The following PRELID2 variants were observed in gnomAD, a reference collection of about 807,000 sequenced individuals.
PRELID2 encodes the protein PRELI domain containing 2.
In PRELID2, 25 loss-of-function variants were observed where a neutral mutation model predicts 28.4. The observed-to-expected ratio is 0.88, with a 90% CI of 0.64 to 1.23. The LOEUF is 1.23. Ranked by LOEUF, PRELID2 falls within the 50% of genes most tolerant of loss-of-function variation. The pLI is 0.00. For missense variants in PRELID2, 201 were observed against 214.4 expected (o/e 0.94, Z 0.39); for synonymous variants, 76 against 71.6 (o/e 1.06, Z -0.31).
chr5:145,331,884 G>T, the PRELID2 span, among the ~76,000 whole-genome samples: 2 of 152,078 alleles, frequency 1.3e-5, no homozygotes, highest in African/African-American at 4.8e-5. Context: ...TTACAATTTG[G>T]CATGTTTTTG....
chr5:145,663,812 T>G (rs1297903100), intron 1 of PRELID2, among the ~76,000 whole-genome samples: 1 of 152,094 alleles, frequency 6.6e-6, no homozygotes, highest in African/African-American at 2.4e-5. Flanking sequence ...CAGAACCCAA[T>G]GCATAGTGTT....
At chr5:145,798,823 T>C (rs925132770) in intron 4 of PRELID2, among the ~76,000 whole-genome samples, 1 of 151,886 alleles carries the variant, frequency 6.6e-6, no homozygotes, top group Non-Finnish European at 1.5e-5. Context: ...AATTGAACAA[T>C]GAGATCACTT....
At chr5:145,264,749 G>C in the PRELID2 span, among the ~76,000 whole-genome samples, 1 of 151,956 alleles carries the variant, frequency 6.6e-6, no homozygotes, top group Admixed American at 6.6e-5. Flanking sequence ...CGAGGTGGGT[G>C]GATCATCTGA....
intron 5 of PRELID2, among the ~76,000 whole-genome samples, chr5:145,780,193 A>G (rs1758699006): frequency 6.6e-6 from 1 of 152,180 alleles, no homozygotes; most frequent in African/African-American, 2.4e-5. Flanking sequence ...GGTGCCTGTA[A>G]TCTCAGCCAC....
chr5:145,770,668 T>C (rs1433043662), intron 5 of PRELID2, among the ~76,000 whole-genome samples: 1 of 152,218 alleles, frequency 6.6e-6, no homozygotes, highest in Non-Finnish European at 1.5e-5. Flanking sequence ...TTGATGATCC[T>C]GATTCTGTGT....
At chr5:145,636,556 G>A (rs1032710418) in intron 1 of PRELID2, among the ~76,000 whole-genome samples, 1 of 152,166 alleles carries the variant, frequency 6.6e-6, no homozygotes, top group African/African-American at 2.4e-5. Context: ...TCTAACTTGT[G>A]TAATTATATT....
intron 5 of PRELID2, among the ~76,000 whole-genome samples, chr5:145,779,849 G>A (rs1163000241): frequency 6.6e-6 from 1 of 152,142 alleles, no homozygotes; most frequent in Non-Finnish European, 1.5e-5. Context: ...TCCAAAGACA[G>A]GCTCATCATA....
At chr5:145,701,521 A>G (rs1001702799) in intron 1 of PRELID2, among the ~76,000 whole-genome samples, 2 of 152,222 alleles carry the variant, frequency 1.3e-5, no homozygotes, top group Admixed American at 6.5e-5. Context: ...CAAGTCTCCT[A>G]ATGACTATCG....
At chr5:145,249,937 GTCTCTCTCTCTCTC>G in the PRELID2 span, among the ~76,000 whole-genome samples, 2 of 138,698 alleles carry the variant, frequency 1.4e-5, no homozygotes, top group South Asian at 2.4e-4. Context: ...CTCTCTCTCT[GTCTCTCTCTCTCTC>G]TCTCTCTCTC....
intron 1 of PRELID2, among the ~76,000 whole-genome samples, chr5:145,739,936 GA>G (rs1362766299): frequency 7.3e-6 from 1 of 136,534 alleles, no homozygotes; most frequent in Non-Finnish European, 1.6e-5. Flanking sequence ...AGAAAACAAA[GA>G]AAAAAATAGG....
chr5:145,747,519 T>C (rs909506686), intron 1 of PRELID2, among the ~76,000 whole-genome samples: 4 of 152,114 alleles, frequency 2.6e-5, no homozygotes, highest in African/African-American at 9.7e-5. Flanking sequence ...AGTTCTGAAA[T>C]TGAGGCAGTA....
chr5:145,723,713 G>C (rs1006073802), intron 1 of PRELID2, among the ~76,000 whole-genome samples: 2 of 152,146 alleles, frequency 1.3e-5, no homozygotes, highest in African/African-American at 4.8e-5. Context: ...TGTTGGCAAG[G>C]CTTGTGAGGC....
chr5:145,800,271 CT>C (rs1240227917), intron 4 of PRELID2, among the ~76,000 whole-genome samples: 16 of 149,780 alleles, frequency 1.1e-4, no homozygotes, highest in African/African-American at 3.9e-4. Context: ...TCCTCTCTCC[CT>C]CTCCCCCTTC....
In PRELID2 at chr5:145,819,385, C is replaced by G. The variant is rs369732569; in HGVS notation, c.207+560G>C. 35 of 1,602,656 alleles carry G rather than the reference C, an allele frequency of 2.2e-5. No individual in the cohort carries two copies. Among genetic ancestry groups the G allele is most frequent in the Non-Finnish European group, 2.9e-5 (34 of 1,171,926 alleles). On this transcript the variant is annotated intron_variant, in intron 3 of 6. Coordinates refer to ENST00000683046, the MANE Select transcript of PRELID2 (RefSeq NM_205846.3). The stretch of plus-strand genomic sequence containing the variant: ...ATTAAAAATTTCCACTCACCTTTTT[C>G]CAACAAAGAATCACCAGAGTGCTTA...
chr5:145,246,745 T>G, the PRELID2 span, among the ~76,000 whole-genome samples: 1 of 152,110 alleles, frequency 6.6e-6, no homozygotes, highest in Non-Finnish European at 1.5e-5. Flanking sequence ...CTAAGGAAAT[T>G]ATGACAGTGA....
chr5:145,475,633 G>A (rs540878275), intron 1 of PRELID2, among the ~76,000 whole-genome samples: 1 of 152,298 alleles, frequency 6.6e-6, no homozygotes, highest in South Asian at 2.1e-4. Flanking sequence ...TGTTTTAAGA[G>A]TTTGTATAAA....
chr5:145,297,670 AG>A, the PRELID2 span, among the ~76,000 whole-genome samples: 1 of 152,002 alleles, frequency 6.6e-6, no homozygotes, highest in Admixed American at 6.6e-5. Flanking sequence ...GAAAAGAGGA[AG>A]TCAAATTGTC....
At chr5:145,504,673 A>T (rs1241943634) in intron 1 of PRELID2, among the ~76,000 whole-genome samples, 1 of 152,080 alleles carries the variant, frequency 6.6e-6, no homozygotes, top group Non-Finnish European at 1.5e-5. Flanking sequence ...ACCCTTCCTC[A>T]TCTGATCTCA....
At position 145,574,277 on chromosome 5, in the gene PRELID2, A is replaced by G. The variant is rs564015873; in HGVS notation, n.71-100962T>C. Among the ~76,000 whole-genome samples, 3 of 152,330 alleles carry G rather than the reference A, an allele frequency of 2.0e-5. No homozygotes were observed. The South Asian group carries it at 6.2e-4, about 32-fold the overall frequency. On this transcript the variant is annotated intron_variant and non_coding_transcript_variant, in intron 1 of 2. Transcript: ENST00000510259. ...AAAGCAAGGAAATAGACTCTTCCCT[A>G]GAGACTCCAGAAATTAATGCAACTC...
Sources: gnomAD v4.1 joint callset for allele counts (sites outside exome capture counted in the v4.1 genomes callset) on GRCh38, gnomAD v4.1.1 for gene constraint, MANE v1.5 for transcripts, NCBI Gene and HGNC (gene_info 2026-07-23, HGNC 2026-07-21) for gene names.